PTPRD: variants seen among roughly 807,000 people sequenced by gnomAD.
The protein encoded by PTPRD is protein tyrosine phosphatase receptor type D, also known as receptor-type tyrosine-protein phosphatase delta.
PTPRD carries 34 observed loss-of-function variants against 214.5 expected under a neutral mutation model. The observed-to-expected ratio is 0.16, with a 90% confidence interval of 0.12 to 0.21. PTPRD has a LOEUF of 0.21. Ranked by LOEUF, PTPRD falls within the 10% of genes least tolerant of loss-of-function variation. The pLI, the probability that PTPRD is intolerant of heterozygous loss-of-function variation, is 1.00. For synonymous variants in PTPRD, 1,128 were observed against 845.7 expected, an observed-to-expected ratio of 1.33 and a Z score of -5.79; for missense variants, 2,545 against 2,398.7, an observed-to-expected ratio of 1.06 and a Z score of -1.27.
At chr9:9,658,332 G>A (rs1380180457) in intron 7 of PTPRD, among the ~76,000 whole-genome samples, 2 of 152,002 alleles carry the variant, frequency 1.3e-5, no homozygotes, top group Admixed American at 6.6e-5. Context: ...TTTATCTCCC[G>A]AACTGGGTTG....
intron 3 of PTPRD, among the ~76,000 whole-genome samples, chr9:10,171,042 C>A (rs2099201094): frequency 6.6e-6 from 1 of 152,150 alleles, no homozygotes; most frequent in Admixed American, 6.5e-5. Flanking sequence ...ATTAGGCAAA[C>A]CATATATATT....
At chr9:9,083,976 A>G (rs543346978) in intron 10 of PTPRD, among the ~76,000 whole-genome samples, 119 of 152,306 alleles carry the variant, frequency 7.8e-4, no homozygotes, top group Non-Finnish European at 1.4e-3. Flanking sequence ...TAGTTCAACC[A>G]TTGTGGAAGA....
In PTPRD at chr9:9,914,712, C is replaced by A. The variant is rs1158852592; in HGVS notation, c.-368+23795G>T. 2.0e-5 allele frequency among the ~76,000 whole-genome samples: 3 copies of A among 152,054 alleles called. No homozygotes were observed. The East Asian group carries it at 5.8e-4, about 30-fold the overall frequency. ...TGTATTCTGAGCTTGAAAAACATCC[C>A]CATACATAAGCTGACTACCAGCAGA... On this transcript the variant is annotated intron_variant, in intron 5 of 45. Coordinates refer to ENST00000381196, the MANE Select transcript of PTPRD (RefSeq NM_002839.4).
intron 8 of PTPRD, among the ~76,000 whole-genome samples, chr9:9,494,427 A>G (rs2096073076): frequency 1.3e-5 from 2 of 152,192 alleles, no homozygotes; most frequent in Non-Finnish European, 2.9e-5. Context: ...TGTTCTAAAG[A>G]AATTGCCACA....
intron 4 of PTPRD, among the ~76,000 whole-genome samples, chr9:9,981,688 A>C (rs1358969916): frequency 1.3e-5 from 2 of 152,090 alleles, no homozygotes; most frequent in Admixed American, 1.3e-4. Context: ...ATATGAGTGC[A>C]AGCGCATTAA....
At chr9:9,456,516 C>G (rs890202252) in intron 8 of PTPRD, among the ~76,000 whole-genome samples, 6 of 151,728 alleles carry the variant, frequency 4.0e-5, no homozygotes, top group African/African-American at 1.4e-4. Context: ...AAAACCCAAA[C>G]CAAACCAGAT....
rs1158654153 is a variant in PTPRD at position 10,427,139 on chromosome 9, T to C, written c.-599-86122A>G. Among the ~76,000 whole-genome samples the C allele has an allele frequency of 2.0e-5, 3 of 149,278 alleles. No individual in the cohort carries two copies. The East Asian group carries it at 5.8e-4, about 29-fold the overall frequency. ...ATAAAATGTAGATTCAGTAGATAAATCTATTTTTTAAAACAACAGCCTCTA... is the reference window on the plus strand; with the variant it reads ...ATAAAATGTAGATTCAGTAGATAAACCTATTTTTTAAAACAACAGCCTCTA... On this transcript the variant is annotated intron_variant, in intron 2 of 45. Transcript: ENST00000381196.
intron 12 of PTPRD, among the ~76,000 whole-genome samples, chr9:8,704,392 G>C (rs1328311067): frequency 6.6e-6 from 1 of 152,142 alleles, no homozygotes; most frequent in Non-Finnish European, 1.5e-5. Context: ...AAGCAGAGTA[G>C]GAAGGAGGAT....
At chr9:9,755,352 T>A (rs1267618454) in intron 6 of PTPRD, among the ~76,000 whole-genome samples, 1 of 151,946 alleles carries the variant, frequency 6.6e-6, no homozygotes, top group African/African-American at 2.4e-5. Context: ...TGGGAAAAAA[T>A]TGTACTAAAA....
At chr9:9,691,705 T>C (rs2097274221) in intron 7 of PTPRD, among the ~76,000 whole-genome samples, 1 of 152,052 alleles carries the variant, frequency 6.6e-6, no homozygotes, top group African/African-American at 2.4e-5. Context: ...CTACAAACTG[T>C]TCTCCATAGT....
chr9:9,232,366 G>A (rs568163124), intron 9 of PTPRD, among the ~76,000 whole-genome samples: 1 of 152,226 alleles, frequency 6.6e-6, no homozygotes, highest in South Asian at 2.1e-4. Context: ...TTGTTGCTAT[G>A]CACCATCATT....
chr9:10,265,680 T>C (rs751859072), intron 3 of PTPRD, among the ~76,000 whole-genome samples: 1 of 152,152 alleles, frequency 6.6e-6, no homozygotes, highest in Non-Finnish European at 1.5e-5. Flanking sequence ...TAAAATGTCA[T>C]TTACAAAAAC....
chr9:9,483,885 C>T (rs963659546), intron 8 of PTPRD, among the ~76,000 whole-genome samples: 5 of 150,300 alleles, frequency 3.3e-5, no homozygotes, highest in African/African-American at 9.8e-5. Flanking sequence ...ATCAACAAAA[C>T]AGCAATAAAA....
intron 21 of PTPRD, among the ~76,000 whole-genome samples, chr9:8,517,376 G>A (rs1377021795): frequency 6.6e-6 from 1 of 152,164 alleles, no homozygotes; most frequent in East Asian, 1.9e-4. Context: ...AAGCCACTCA[G>A]AGAATACTTA....
intron 3 of PTPRD, among the ~76,000 whole-genome samples, chr9:10,256,395 C>CTTT (rs35833315): frequency 0.13 from 19,259 of 144,504 alleles, 1,282 homozygotes; most frequent in Admixed American, 0.15. Flanking sequence ...TGAATTACAG[C>CTTT]TTTTTTTTTT....
At chr9:9,611,537 CATTTGGATGTATCTAATCTGTATATG>C (rs1267972679) in intron 7 of PTPRD, among the ~76,000 whole-genome samples, 1 of 151,944 alleles carries the variant, frequency 6.6e-6, no homozygotes, top group Non-Finnish European at 1.5e-5. Context: ...ATGTATAAAA[CATTTGGATGTATCTAATCTGTATATG>C]ACTATAAACA....
At chr9:9,291,290 T>C (rs1037879232) in intron 9 of PTPRD, among the ~76,000 whole-genome samples, 1 of 151,418 alleles carries the variant, frequency 6.6e-6, no homozygotes, top group Non-Finnish European at 1.5e-5. Context: ...CTTCAAAATG[T>C]AGAACCACTT....
intron 11 of PTPRD, among the ~76,000 whole-genome samples, chr9:8,945,013 C>A (rs1254555569): frequency 6.6e-6 from 1 of 151,594 alleles, no homozygotes; most frequent in Non-Finnish European, 1.5e-5. Context: ...ATCTTATGTC[C>A]CCCATAAACA....
intron 12 of PTPRD, among the ~76,000 whole-genome samples, chr9:8,708,857 T>C (rs1343149315): frequency 1.3e-5 from 2 of 152,026 alleles, no homozygotes; most frequent in Admixed American, 6.6e-5. Context: ...TGTCCATCAA[T>C]GGATGAGTGA....
Sources: gnomAD v4.1 joint callset for allele counts (sites outside exome capture counted in the v4.1 genomes callset) on GRCh38, gnomAD v4.1.1 for gene constraint, MANE v1.5 for transcripts, NCBI Gene and HGNC (gene_info 2026-07-23, HGNC 2026-07-21) for gene names.